The following OTUD5 variants were observed in gnomAD, a reference collection of about 807,000 sequenced individuals.
OTUD5 encodes the protein OTU deubiquitinase 5, also known as OTU domain-containing protein 5.
Under a neutral mutation model 36.3 loss-of-function variants are expected in OTUD5, and 2 were observed. The ratio of observed to expected loss-of-function variants is 0.06; its 90% CI spans 0.02 to 0.17. OTUD5 has a LOEUF of 0.17. Ranked by LOEUF, OTUD5 falls within the 10% of genes least tolerant of loss-of-function variation. OTUD5 has a pLI of 1.00. For synonymous variants in OTUD5, 234 were observed against 214.9 expected (o/e 1.09, Z -0.78); for missense variants, 233 against 512.3 (o/e 0.45, Z 5.26).
At chrX:48,943,810 C>G (rs782234779) in intron 2 of OTUD5, among the ~76,000 whole-genome samples, 83 of 110,353 alleles carry the variant, frequency 7.5e-4, no homozygotes, top group African/African-American at 2.6e-3. Flanking sequence ...CCAACTCTAC[C>G]ACTTATTATT....
intron 2 of OTUD5, among the ~76,000 whole-genome samples, chrX:48,941,655 T>C (rs1178121534): frequency 6.4e-5 from 7 of 110,222 alleles, no homozygotes; most frequent in Admixed American, 5.8e-4. Context: ...AAGGAAACAG[T>C]GCCCTCTATG....
chrX:48,946,479 C>T (rs1384094382), intron 1 of OTUD5, among the ~76,000 whole-genome samples: 4 of 111,549 alleles, frequency 3.6e-5, no homozygotes, highest in Non-Finnish European at 7.5e-5. Flanking sequence ...AAGGGAATAC[C>T]CAGCCAGTCC....
intron 1 of OTUD5, 81 bp from the exon 2 acceptor site, chrX:48,944,364 C>A: frequency 4.9e-6 from 3 of 612,534 alleles, no homozygotes; most frequent in Admixed American, 5.3e-5. Flanking sequence ...TCCCGAGAGG[C>A]CTAGATCATT....
intron 2 of OTUD5, among the ~76,000 whole-genome samples, chrX:48,941,548 T>C (rs2063923758): frequency 9.1e-6 from 1 of 109,700 alleles, no homozygotes; most frequent in South Asian, 3.9e-4. Flanking sequence ...TTTCCCTTTC[T>C]ATGCTTCAAT....
intron 5 of OTUD5, among the ~76,000 whole-genome samples, chrX:48,932,157 A>C (rs868994968): frequency 4.7e-4 from 29 of 62,201 alleles, no homozygotes; most frequent in Non-Finnish European, 8.1e-4. Context: ...CTCAAAAAAA[A>C]GATGATAATA....
At chrX:48,951,385 T>C (rs1330149096) in intron 1 of OTUD5, among the ~76,000 whole-genome samples, 3 of 108,615 alleles carry the variant, frequency 2.8e-5, no homozygotes, top group African/African-American at 6.7e-5. Flanking sequence ...GAGGCCGAGG[T>C]GGGCGGATCA....
chrX:48,941,643 T>A (rs2063925066), intron 2 of OTUD5, among the ~76,000 whole-genome samples: 1 of 109,492 alleles, frequency 9.1e-6, no homozygotes, highest in African/African-American at 3.3e-5. Flanking sequence ...ACAGCAGGGG[T>A]CAAGGAAACA....
intron 1 of OTUD5, among the ~76,000 whole-genome samples, chrX:48,948,453 G>A (rs1314888769): frequency 1.8e-5 from 2 of 112,613 alleles, no homozygotes; most frequent in African/African-American, 6.4e-5. Flanking sequence ...AGAGGCAACA[G>A]GGAAGGCCCC....
chrX:48,946,618 C>T, intron 1 of OTUD5, among the ~76,000 whole-genome samples: 1 of 111,935 alleles, frequency 8.9e-6, no homozygotes. Context: ...TTCCAGTGGT[C>T]CAGGTGTCCC....
At chrX:48,951,082 T>C (rs1557053737) in intron 1 of OTUD5, among the ~76,000 whole-genome samples, 1 of 93,348 alleles carries the variant, frequency 1.1e-5, no homozygotes, top group African/African-American at 4.1e-5. Flanking sequence ...GAATCTCCCT[T>C]CTCACCCTGG....
chrX:48,942,248 C>T (rs1325503395), intron 2 of OTUD5, among the ~76,000 whole-genome samples: 1 of 91,381 alleles, frequency 1.1e-5, no homozygotes, highest in Non-Finnish European at 2.1e-5. Context: ...CACACATACA[C>T]ACACACACAC....
intron 1 of OTUD5, among the ~76,000 whole-genome samples, chrX:48,953,059 G>A (rs1557054270): frequency 8.9e-6 from 1 of 112,002 alleles, no homozygotes; most frequent in Non-Finnish European, 1.9e-5. Flanking sequence ...AGCTGAGGGG[G>A]CAAGTAGTTT....
intron 2 of OTUD5, 33 bp downstream of exon 2, chrX:48,944,157 C>T (rs1369358225): frequency 9.6e-7 from 1 of 1,041,518 alleles, no homozygotes; most frequent in Non-Finnish European, 1.3e-6. Flanking sequence ...TAGGGGCAGC[C>T]CTAGGCCCTT....
chrX:48,951,011 A>G (rs1199260405), intron 1 of OTUD5, among the ~76,000 whole-genome samples: 1 of 110,330 alleles, frequency 9.1e-6, no homozygotes. Context: ...CCCGCTCTGC[A>G]AGGTCCACCT....
chrX:48,926,104 G>C (rs1201667969), intron 5 of OTUD5, 54 bp from the exon 6 acceptor site: 3 of 1,011,172 alleles, frequency 3.0e-6, no homozygotes, highest in Non-Finnish European at 4.2e-6. Context: ...ACCTGCCCAA[G>C]AGCCAGAACA....
intron 1 of OTUD5, among the ~76,000 whole-genome samples, chrX:48,951,544 G>A (rs1415307395): frequency 9.0e-6 from 1 of 111,371 alleles, no homozygotes; most frequent in Non-Finnish European, 1.9e-5. Context: ...GAACCTGGGA[G>A]GTGGAGGTTG....
At position 48,957,403 on chromosome X, in the gene OTUD5, G is replaced by A. The variant is rs1557055899; in HGVS notation, c.168C>T (p.Val56=). Residue 56 remains valine (V), a synonymous_variant, in exon 1 of 9, where the codon GTC becomes GTT. Coordinates refer to ENST00000376488, the MANE Select transcript of OTUD5 (RefSeq NM_001136157.2). ...GCGAAGCTCGCGGACGGGCCCCCACGACGCCGGAGTCACGGTCGCGATCGC... is the reference window on the plus strand; with the variant it reads ...GCGAAGCTCGCGGACGGGCCCCCACAACGCCGGAGTCACGGTCGCGATCGC... ...GGGDRDRDSG[V]VGARPRASPP... 7 of 1,089,976 alleles carry A rather than the reference G, an allele frequency of 6.4e-6. No homozygotes were observed. In the East Asian group the frequency reaches 2.9e-4, roughly 45 times the overall value. The allele number at this position is 1,089,976 out of a possible 1,213,427, so 89.8% of individuals were successfully genotyped here. A position where few individuals can be genotyped will look rare whatever the true frequency, so the allele number is the denominator to read the frequency against.
intron 5 of OTUD5, among the ~76,000 whole-genome samples, chrX:48,931,154 G>C (rs1293472308): frequency 9.0e-6 from 1 of 111,516 alleles, no homozygotes; most frequent in East Asian, 2.8e-4. Context: ...CTTCCACACA[G>C]TACAGTATGG....
At chrX:48,928,512 T>G (rs142371588) in intron 5 of OTUD5, among the ~76,000 whole-genome samples, 50 of 111,483 alleles carry the variant, frequency 4.5e-4, no homozygotes, top group African/African-American at 1.6e-3. Flanking sequence ...TCTGTCACAT[T>G]GACCATTTTA....
Sources: allele counts gnomAD v4.1 joint callset (sites outside exome capture counted in the v4.1 genomes callset), GRCh38; gene constraint gnomAD v4.1.1; transcripts MANE v1.5; gene names NCBI Gene and HGNC (gene_info 2026-07-23, HGNC 2026-07-21).